Variants in HTR1E observed in about 807,000 individuals in gnomAD.
The protein encoded by HTR1E is 5-hydroxytryptamine receptor 1E.
A neutral mutation model predicts 3.4 loss-of-function variants in HTR1E; 3 were observed. That is an observed-to-expected ratio of 0.89 (90% confidence interval 0.41 to 2.31). The LOEUF (loss-of-function observed/expected upper bound fraction) is 2.31. Ranked by LOEUF, HTR1E falls within the 30% of genes most tolerant of loss-of-function variation. The probability of loss-of-function intolerance (pLI) is 0.05; values close to 1 mark genes in which losing one functional copy is unlikely to be tolerated. For missense variants in HTR1E, 392 were observed against 467.0 expected (o/e 0.84, Z 1.48); for synonymous variants, 170 against 182.8 (o/e 0.93, Z 0.56).
intron 1 of HTR1E, among the ~76,000 whole-genome samples, chr6:87,014,641 T>C (rs932432537): frequency 2.6e-5 from 4 of 152,070 alleles, no homozygotes; most frequent in Admixed American, 6.5e-5. Context: ...AAAGGATGAG[T>C]TCATGTCCTT....
At chr6:87,010,498 ACATCCCAG>A (rs551559366) in intron 1 of HTR1E, among the ~76,000 whole-genome samples, 2,739 of 141,458 alleles carry the variant, frequency 0.019, 50 homozygotes, top group African/African-American at 0.069. Context: ...GGCGCTCCTC[ACATCCCAG>A]ATGGGGCGGC....
chr6:87,008,102 G>A (rs896879543), intron 1 of HTR1E, among the ~76,000 whole-genome samples: 1 of 151,952 alleles, frequency 6.6e-6, no homozygotes, highest in Non-Finnish European at 1.5e-5. Context: ...ATTATAAAAT[G>A]GTAATGTTTT....
intron 1 of HTR1E, among the ~76,000 whole-genome samples, chr6:86,966,245 G>A (rs1377738591): frequency 6.6e-6 from 1 of 152,080 alleles, no homozygotes; most frequent in East Asian, 1.9e-4. Flanking sequence ...AAGTGATTGA[G>A]TCCAAGGTAA....
chr6:87,000,914 T>A (rs1302636942), intron 1 of HTR1E, among the ~76,000 whole-genome samples: 2 of 152,148 alleles, frequency 1.3e-5, no homozygotes, highest in Non-Finnish European at 2.9e-5. Flanking sequence ...AGATAATCTA[T>A]CAGAAATAAT....
At position 87,016,430 on chromosome 6, in the gene HTR1E, T is replaced by TA; in HGVS notation, c.1097dup (p.Ter366=). The change falls in exon 2 of 2, where the codon TAG becomes TAAG. Residue 366 remains the stop codon, a frameshift_variant and stop_retained_variant. Coordinates refer to ENST00000305344, the MANE Select transcript of HTR1E (RefSeq NM_000865.3). LOFTEE classifies it high-confidence loss of function. ...GCTCATTAGATGCCGAGAGCATACT[T>TA]AGACTGTAAAAAGCTAAAAGGCACG... is the stretch of plus-strand genomic sequence containing the variant. ...KKLIRCREHT[*] is the part of the protein sequence containing the mutation. 1 of 1,584,710 alleles carries TA rather than the reference T, an allele frequency of 6.3e-7. No homozygotes were observed. Among genetic ancestry groups the TA allele is most frequent in the Non-Finnish European group, 8.6e-7 (1 of 1,162,382 alleles).
At chr6:87,007,465 TAAC>T (rs1418245078) in intron 1 of HTR1E, among the ~76,000 whole-genome samples, 2 of 152,148 alleles carry the variant, frequency 1.3e-5, no homozygotes, top group Non-Finnish European at 2.9e-5. Flanking sequence ...AATTTTAAAA[TAAC>T]AGAGTACAAT....
rs1768300974 is a variant in HTR1E, at chr6:87,015,257, C to A, written c.-78C>A. The A allele has an allele frequency of 7.6e-7, 1 of 1,312,406 alleles. No individual in the cohort carries two copies. Among genetic ancestry groups the A allele is most frequent in the Non-Finnish European group, 1.0e-6 (1 of 977,462 alleles). 81.3% of individuals were successfully genotyped at this position (1,312,406 alleles called of 1,614,324 possible). Reference sequence around the variant, plus strand: ...TTATAGCCTCCTTACAAGTGAGAAACCTTCGAGGCTACATAGTTTTCAGCC... The same window carrying A: ...TTATAGCCTCCTTACAAGTGAGAAAACTTCGAGGCTACATAGTTTTCAGCC... On this transcript the variant is annotated 5_prime_UTR_variant, in exon 2 of 2. Transcript: ENST00000305344.
chr6:87,007,325 G>T (rs1327655085), intron 1 of HTR1E, among the ~76,000 whole-genome samples: 2 of 152,200 alleles, frequency 1.3e-5, no homozygotes, highest in Admixed American at 1.3e-4. Context: ...CAGAGGCTGG[G>T]AAGGGTAGTT....
intron 1 of HTR1E, among the ~76,000 whole-genome samples, chr6:87,007,333 G>C (rs1041192967): frequency 4.6e-5 from 7 of 152,174 alleles, no homozygotes; most frequent in Non-Finnish European, 8.8e-5. Flanking sequence ...GGGAAGGGTA[G>C]TTGCAGGGGG....
At chr6:86,991,935 T>C (rs551783335) in intron 1 of HTR1E, among the ~76,000 whole-genome samples, 42 of 152,296 alleles carry the variant, frequency 2.8e-4, no homozygotes, top group African/African-American at 9.4e-4. Flanking sequence ...GACTTTCATA[T>C]TATCATCTCA....
chr6:86,999,256 C>T (rs146047919), intron 1 of HTR1E, among the ~76,000 whole-genome samples: 124 of 152,130 alleles, frequency 8.2e-4, no homozygotes, highest in African/African-American at 2.7e-3. Flanking sequence ...GCCACCATGC[C>T]GGGCCAGTTT....
At chr6:86,994,404 C>T (rs1003282909) in intron 1 of HTR1E, among the ~76,000 whole-genome samples, 2 of 151,866 alleles carry the variant, frequency 1.3e-5, no homozygotes, top group Admixed American at 6.6e-5. Context: ...CCATACCTAT[C>T]AGGAGAAAAA....
At chr6:86,995,079 G>A (rs1767916942) in intron 1 of HTR1E, among the ~76,000 whole-genome samples, 1 of 151,906 alleles carries the variant, frequency 6.6e-6, no homozygotes, top group African/African-American at 2.4e-5. Flanking sequence ...AACATAAACA[G>A]TGAAAACAAA....
intron 1 of HTR1E, among the ~76,000 whole-genome samples, chr6:86,964,555 A>G (rs1461159589): frequency 6.6e-6 from 1 of 152,092 alleles, no homozygotes. Flanking sequence ...CTGCCTTTAT[A>G]TTTTCTTTCA....
Position 87,003,935 on chromosome 6 carries a change from G to A in HTR1E, c.-185-11215G>A, listed in dbSNP as rs920331289. On this transcript the variant is annotated intron_variant, in intron 1 of 1. Coordinates refer to ENST00000305344, the MANE Select transcript of HTR1E (RefSeq NM_000865.3). ...AGATGAAAAAGGAGACATTACAACT[G>A]ATGTCAGAGAAATTCAAAAGATCGT... Among the ~76,000 whole-genome samples the A allele has an allele frequency of 7.2e-5, 11 of 151,924 alleles. 1 individual carries two copies. The highest frequency in any genetic ancestry group is 1.3e-4 in the Non-Finnish European group (9 of 68,008).
chr6:86,961,935 C>T (rs578180333), intron 1 of HTR1E, among the ~76,000 whole-genome samples: 1 of 152,274 alleles, frequency 6.6e-6, no homozygotes, highest in South Asian at 2.1e-4. Flanking sequence ...CCTCCAGTTA[C>T]TCCAGATTTT....
chr6:86,995,139 T>C (rs548320580), intron 1 of HTR1E, among the ~76,000 whole-genome samples: 2 of 151,944 alleles, frequency 1.3e-5, no homozygotes, highest in East Asian at 3.9e-4. Flanking sequence ...ATATCAATAA[T>C]TACATTGAAT....
intron 1 of HTR1E, among the ~76,000 whole-genome samples, chr6:86,939,230 C>G (rs1311179496): frequency 6.6e-6 from 1 of 152,224 alleles, no homozygotes; most frequent in Non-Finnish European, 1.5e-5. Flanking sequence ...GCTTTAGCCT[C>G]CAGCCCACGG....
intron 1 of HTR1E, among the ~76,000 whole-genome samples, chr6:87,003,595 A>C (rs1768056697): frequency 6.6e-6 from 1 of 152,008 alleles, no homozygotes; most frequent in Non-Finnish European, 1.5e-5. Flanking sequence ...AAATGAAAAT[A>C]GAAACACAAC....
Sources: gnomAD v4.1 joint callset for allele counts (sites outside exome capture counted in the v4.1 genomes callset) on GRCh38, gnomAD v4.1.1 for gene constraint, MANE v1.5 for transcripts, NCBI Gene and HGNC (gene_info 2026-07-23, HGNC 2026-07-21) for gene names.